Variants in MMS22L observed in about 807,000 individuals in gnomAD.
MMS22L encodes the protein MMS22 like, DNA repair protein.
A neutral mutation model predicts 159.1 loss-of-function variants in MMS22L; 74 were observed. The ratio of observed to expected loss-of-function variants is 0.47; its 90% CI spans 0.39 to 0.56. MMS22L has a LOEUF of 0.56. MMS22L is among the 20% of genes least tolerant of loss of function. The pLI, the probability that MMS22L is intolerant of heterozygous loss-of-function variation, is 0.00. For missense variants in MMS22L, 1,351 were observed against 1,422.1 expected, an observed-to-expected ratio of 0.95 and a Z score of 0.80; for synonymous variants, 517 against 506.9, an observed-to-expected ratio of 1.02 and a Z score of -0.27.
chr6:97,231,440 T>C lies in MMS22L; in HGVS notation c.1515A>G (p.Lys505=). ...AMKSNGPHPW[K]QVKGRIYSKF... is the part of the protein sequence containing the mutation. The stretch of plus-strand genomic sequence containing the variant: ...ACTGCATATACCTTCCTTTGACTTG[T>C]TTCCAAGGATGAGGGCCATTGCTCT... Residue 505 remains lysine, a synonymous_variant, in exon 13 of 25, where the codon AAA becomes AAG. Coordinates refer to ENST00000683635, the MANE Select transcript of MMS22L (RefSeq NM_001350599.2). 6.2e-7 allele frequency: 1 copy of C among 1,612,820 alleles called. No individual in the cohort carries two copies. The highest frequency in any genetic ancestry group is 1.1e-5 in the South Asian group (1 of 91,002).
intron 11 of MMS22L, among the ~76,000 whole-genome samples, chr6:97,236,412 C>T (rs1035852380): frequency 2.6e-5 from 4 of 151,382 alleles, no homozygotes; most frequent in Non-Finnish European, 4.4e-5. Flanking sequence ...GAGCTGATGG[C>T]CATTTGAGAT....
chr6:97,161,032 G>T (rs907968206), intron 22 of MMS22L, among the ~76,000 whole-genome samples: 2 of 151,900 alleles, frequency 1.3e-5, no homozygotes, highest in Non-Finnish European at 2.9e-5. Flanking sequence ...TGAAGTCTTT[G>T]TCTGTTAAAG....
chr6:97,228,768 A>G, intron 14 of MMS22L, 126 bp downstream of exon 14: 1 of 902,844 alleles, frequency 1.1e-6, no homozygotes, highest in Non-Finnish European at 1.6e-6. Flanking sequence ...TAGAAAACTA[A>G]ATCCTTCCTC....
chr6:97,282,627 G>A, intron 1 of MMS22L, 74 bp from the exon 2 acceptor site: 1 of 503,230 alleles, frequency 2.0e-6, no homozygotes. Flanking sequence ...CCGCCAGCAG[G>A]AAGGAAAAAC....
intron 11 of MMS22L, among the ~76,000 whole-genome samples, chr6:97,234,815 T>C (rs547877768): frequency 6.6e-6 from 1 of 152,318 alleles, no homozygotes; most frequent in African/African-American, 2.4e-5. Flanking sequence ...AAAAGCCTTT[T>C]GAAGGGCTGC....
At chr6:97,170,333 C>T (rs1243894760) in intron 19 of MMS22L, among the ~76,000 whole-genome samples, 1 of 151,966 alleles carries the variant, frequency 6.6e-6, no homozygotes, top group Admixed American at 6.6e-5. Flanking sequence ...CAGACACCTA[C>T]TTTTTAGGTT....
chr6:97,281,328 A>T lies in MMS22L; in HGVS notation c.199T>A (p.Phe67Ile), dbSNP rs373778742. 2.2e-5 allele frequency: 36 copies of T among 1,608,634 alleles called. No individual in the cohort carries two copies. Among genetic ancestry groups the T allele is most frequent in the Non-Finnish European group, 3.0e-5 (35 of 1,177,980 alleles). ...AATATTTCCAAGGTATCTTCTTCAA[A>T]ATTAGTTGGTAAAGGGTCAAGATTC... is the stretch of plus-strand genomic sequence containing the variant. ...ILNLDPLPTN[F>I]EEDTLEIFGI... Residue 67 changes from phenylalanine to isoleucine, a missense_variant, in exon 3 of 25, where the codon TTT (phenylalanine) becomes ATT (isoleucine). By Grantham distance (21) the Phe-to-Ile change is conservative (BLOSUM62 0). Coordinates refer to ENST00000683635, the MANE Select transcript of MMS22L (RefSeq NM_001350599.2).
At chr6:97,241,107 C>T (rs568865448) in intron 11 of MMS22L, among the ~76,000 whole-genome samples, 1 of 152,326 alleles carries the variant, frequency 6.6e-6, no homozygotes, top group Non-Finnish European at 1.5e-5. Context: ...TAATGGTCTC[C>T]ACTCAATCCA....
intron 10 of MMS22L, among the ~76,000 whole-genome samples, chr6:97,247,560 A>T (rs982242515): frequency 1.3e-5 from 2 of 152,092 alleles, no homozygotes; most frequent in Non-Finnish European, 2.9e-5. Flanking sequence ...CTCTACTAAA[A>T]ATACAAAAAT....
chr6:97,203,035 T>C (rs1341281473), intron 14 of MMS22L, among the ~76,000 whole-genome samples: 1 of 152,184 alleles, frequency 6.6e-6, no homozygotes, highest in Non-Finnish European at 1.5e-5. Context: ...AAACAAAAAC[T>C]TACTACTTAG....
At chr6:97,224,263 T>C (rs1311494475) in intron 14 of MMS22L, among the ~76,000 whole-genome samples, 1 of 152,174 alleles carries the variant, frequency 6.6e-6, no homozygotes, top group Non-Finnish European at 1.5e-5. Flanking sequence ...TTCTTCATCA[T>C]CCTTTTTTGA....
chr6:97,267,362 C>T (rs1200225998), intron 8 of MMS22L: 4 of 151,958 alleles, frequency 2.6e-5, no homozygotes, highest in African/African-American at 9.7e-5. Context: ...ACCTTTAAAT[C>T]ACTGTCTCCA....
intron 12 of MMS22L, among the ~76,000 whole-genome samples, chr6:97,231,996 C>T (rs1191607103): frequency 6.6e-6 from 1 of 152,096 alleles, no homozygotes; most frequent in Non-Finnish European, 1.5e-5. Context: ...TTTTTAATAT[C>T]AGGTCATTGG....
chr6:97,220,419 C>T (rs756486907), intron 14 of MMS22L, among the ~76,000 whole-genome samples: 21 of 152,010 alleles, frequency 1.4e-4, no homozygotes, highest in Non-Finnish European at 2.8e-4. Flanking sequence ...TACAAAACAA[C>T]TATGAATATA....
intron 14 of MMS22L, among the ~76,000 whole-genome samples, chr6:97,201,949 C>T (rs190295454): frequency 2.6e-5 from 4 of 152,240 alleles, no homozygotes; most frequent in Admixed American, 1.3e-4. Context: ...TTAGCTTATT[C>T]CCTCGAACAA....
rs1325919551 is a variant in MMS22L, at chr6:97,266,544, CTT to C, written c.828+1326_828+1327del. Reference sequence around the variant, plus strand: ...CTTTAGGCTAACATGATTTATTGTACTTAAACTTTTTCAGCCTACTACTGCAC... The same window carrying C: ...CTTTAGGCTAACATGATTTATTGTACAAACTTTTTCAGCCTACTACTGCAC... On this transcript the variant is annotated intron_variant, in intron 8 of 24. Coordinates refer to ENST00000683635, the MANE Select transcript of MMS22L (RefSeq NM_001350599.2). 6 of 152,164 alleles carry C rather than the reference CTT, an allele frequency of 3.9e-5. No individual in the cohort carries two copies. The South Asian group carries it at 1.2e-3, about 32-fold the overall frequency. The allele number at this position is 152,164 out of a possible 1,614,324, so 9.4% of individuals were successfully genotyped here.
intron 7 of MMS22L, among the ~76,000 whole-genome samples, chr6:97,269,617 C>T (rs1394410526): frequency 1.3e-5 from 2 of 151,996 alleles, no homozygotes; most frequent in Non-Finnish European, 2.9e-5. Context: ...TGAAAGATCA[C>T]ACTGAACAGT....
chr6:97,258,619 A>G (rs1814091762), intron 9 of MMS22L: 1 of 152,180 alleles, frequency 6.6e-6, no homozygotes, highest in Non-Finnish European at 1.5e-5. Flanking sequence ...CCTTCTTTCC[A>G]TATGTGTAAC....
At chr6:97,280,658 C>T (rs975689346) in intron 3 of MMS22L, among the ~76,000 whole-genome samples, 1 of 152,102 alleles carries the variant, frequency 6.6e-6, no homozygotes, top group Non-Finnish European at 1.5e-5. Flanking sequence ...GAAATTCATA[C>T]TGAAGTATTT....
Sources: gnomAD v4.1 joint callset for allele counts (sites outside exome capture counted in the v4.1 genomes callset) on GRCh38, gnomAD v4.1.1 for gene constraint, MANE v1.5 for transcripts, NCBI Gene and HGNC (gene_info 2026-07-23, HGNC 2026-07-21) for gene names.